PTPRE: variants seen among roughly 807,000 people sequenced by gnomAD.
PTPRE encodes the protein receptor-type tyrosine-protein phosphatase epsilon.
Under a neutral mutation model 102.0 loss-of-function variants are expected in PTPRE, and 51 were observed. The ratio of observed to expected loss-of-function variants is 0.50; its 90% CI spans 0.40 to 0.63. The LOEUF (loss-of-function observed/expected upper bound fraction) is 0.63, where lower values mean the gene tolerates loss of function less well. Ranked by LOEUF, PTPRE falls within the 30% of genes least tolerant of loss-of-function variation. The pLI is 0.00. For missense variants in PTPRE, 752 were observed against 915.1 expected (o/e 0.82, Z 2.30); for synonymous variants, 345 against 348.2 (o/e 0.99, Z 0.10).
intron 2 of PTPRE, among the ~76,000 whole-genome samples, chr10:127,996,106 C>T (rs1853237609): frequency 6.6e-6 from 1 of 152,192 alleles, no homozygotes; most frequent in African/African-American, 2.4e-5. Flanking sequence ...GTTGAGTCCT[C>T]TGTGTTATTC....
chr10:127,907,138 GCAGGAGCCGGCGCGA>G lies in PTPRE; in HGVS notation c.-201_-187del. ...CCTGCTAGGCTGCGGACAGCGGGCG[GCAGGAGCCGGCGCGA>G]GCGGCTTCAGGAACCCACGGCCTCT... On this transcript the variant is annotated 5_prime_UTR_variant, in exon 1 of 21. Transcript: ENST00000254667. The surrounding 1 kb of genome is among the most constrained non-coding windows in gnomAD (Gnocchi z 4.8). The G allele has an allele frequency of 2.3e-6, 1 of 432,532 alleles. No homozygotes were observed. Among genetic ancestry groups the G allele is most frequent in the Non-Finnish European group, 3.1e-6 (1 of 325,230 alleles). The allele number at this position is 432,532 out of a possible 1,614,324, so 26.8% of individuals were successfully genotyped here. A position where few individuals can be genotyped will look rare whatever the true frequency, so the allele number is the denominator to read the frequency against.
At position 128,056,164 on chromosome 10, in the gene PTPRE, A is replaced by AAAT; in HGVS notation, c.465_467dup (p.Asn155dup). 1 of 1,613,180 alleles carries AAAT rather than the reference A, an allele frequency of 6.2e-7. No homozygotes were observed. The highest frequency in any genetic ancestry group is 8.5e-7 in the Non-Finnish European group (1 of 1,179,206). ...ACATACAAGGAACTTTTGAACTGGC[A>AAAT]AATAAAGAAGAAAACAGAGAAAAAA... On this transcript the variant is annotated inframe_insertion, in exon 7 of 21. Transcript: ENST00000254667.
At chr10:128,076,753 C>T (rs558331517) in intron 18 of PTPRE, 25 bp downstream of exon 18, 39 of 1,609,618 alleles carry the variant, frequency 2.4e-5, no homozygotes, top group East Asian at 8.9e-5. Flanking sequence ...GCTCTTTAAA[C>T]GCTTGTGAAT....
chr10:127,958,742 G>A (rs1849577376), intron 1 of PTPRE, among the ~76,000 whole-genome samples: 1 of 151,748 alleles, frequency 6.6e-6, no homozygotes, highest in Non-Finnish European at 1.5e-5. Flanking sequence ...TCTATCTTTT[G>A]GAAGAGATCA....
intron 1 of PTPRE, among the ~76,000 whole-genome samples, chr10:127,949,344 G>A (rs1216706102): frequency 6.6e-6 from 1 of 152,034 alleles, no homozygotes; most frequent in Non-Finnish European, 1.5e-5. Context: ...TACAGATTTT[G>A]GTACCAGGAG....
At chr10:128,058,908 C>A (rs763645097) in intron 7 of PTPRE, among the ~76,000 whole-genome samples, 1 of 152,206 alleles carries the variant, frequency 6.6e-6, no homozygotes, top group Non-Finnish European at 1.5e-5. Context: ...CCCTGGGGAG[C>A]TCTGGGGTCA....
At chr10:127,990,113 T>G (rs1017681118) in intron 2 of PTPRE, among the ~76,000 whole-genome samples, 1 of 152,102 alleles carries the variant, frequency 6.6e-6, no homozygotes, top group Non-Finnish European at 1.5e-5. Context: ...GAAAAATGAT[T>G]GATTAGAAAG....
chr10:128,070,556 C>G lies in PTPRE; in HGVS notation c.1293+106C>G. The G allele has an allele frequency of 1.4e-6, 2 of 1,421,048 alleles. No homozygotes were observed. The highest frequency in any genetic ancestry group is 1.9e-6 in the Non-Finnish European group (2 of 1,063,072). 88.0% of individuals were successfully genotyped at this position (1,421,048 alleles called of 1,614,324 possible). On this transcript the variant is annotated intron_variant, in intron 14 of 20. Coordinates refer to ENST00000254667, the MANE Select transcript of PTPRE (RefSeq NM_006504.6). The surrounding 1 kb of genome is among the most constrained non-coding windows in gnomAD (Gnocchi z 4.8). Reference sequence around the variant, plus strand: ...CCTCTTTCAATCACTTGCCCCTTAACTGACCTCAGAAAAAGCAGGGGCAAT... The same window carrying G: ...CCTCTTTCAATCACTTGCCCCTTAAGTGACCTCAGAAAAAGCAGGGGCAAT...
chr10:127,942,576 C>A (rs968115233), intron 1 of PTPRE, among the ~76,000 whole-genome samples: 1 of 152,194 alleles, frequency 6.6e-6, no homozygotes, highest in Non-Finnish European at 1.5e-5. Context: ...TGCTGCAACA[C>A]GGATGAACCT....
intron 20 of PTPRE, 92 bp from the exon 21 acceptor site, chr10:128,082,740 C>G: frequency 7.1e-7 from 1 of 1,399,524 alleles, no homozygotes; most frequent in Non-Finnish European, 9.5e-7. Flanking sequence ...AATAGTCACA[C>G]TTATTTATGT....
At chr10:128,014,961 CAA>C (rs1845303884) in intron 2 of PTPRE, among the ~76,000 whole-genome samples, 1 of 152,188 alleles carries the variant, frequency 6.6e-6, no homozygotes, top group South Asian at 2.1e-4. Context: ...GAGGGTCACA[CAA>C]GAGTGCATGC....
At chr10:128,046,680 C>G (rs1332903879) in intron 3 of PTPRE, among the ~76,000 whole-genome samples, 1 of 152,046 alleles carries the variant, frequency 6.6e-6, no homozygotes, top group East Asian at 1.9e-4. Context: ...TGGGTGGGGT[C>G]CAAAGGTGGC....
intron 2 of PTPRE, among the ~76,000 whole-genome samples, chr10:128,012,644 C>T (rs188193790): frequency 3.7e-4 from 57 of 152,320 alleles, no homozygotes; most frequent in African/African-American, 1.3e-3. Context: ...CATTTCCTGT[C>T]CTTGGGAGCT....
At chr10:128,041,514 G>A (rs1847693455) in intron 3 of PTPRE, among the ~76,000 whole-genome samples, 1 of 151,916 alleles carries the variant, frequency 6.6e-6, no homozygotes. Flanking sequence ...TGGGCGTGGT[G>A]GTGGGCGCCT....
intron 1 of PTPRE, among the ~76,000 whole-genome samples, chr10:127,972,719 T>C (rs1275688496): frequency 6.6e-6 from 1 of 152,206 alleles, no homozygotes; most frequent in Non-Finnish European, 1.5e-5. Flanking sequence ...GGTCACCCAG[T>C]GGGCAGGGAT....
Position 128,069,766 on chromosome 10 carries a change from T to C in PTPRE, c.1082T>C (p.Val361Ala). The change falls in exon 13 of 21, where the codon GTG (valine) becomes GCG (alanine). Residue 361 changes from valine to alanine, a missense_variant. By Grantham distance (64) the Val-to-Ala change is moderately conservative. This residue lies in a region of PTPRE where 636 missense variants were observed against 824.4 expected (regional missense o/e 0.77). Coordinates refer to ENST00000254667, the MANE Select transcript of PTPRE (RefSeq NM_006504.6). ...GCCATGATGCACGCGGAGCAGAAGG[T>C]GGATGTGTTTGAATTTGTGTCTCGA... ...MMAMMHAEQK[V>A]DVFEFVSRIR... 6.2e-7 allele frequency: 1 copy of C among 1,614,088 alleles called. No homozygotes were observed. The highest frequency in any genetic ancestry group is 8.5e-7 in the Non-Finnish European group (1 of 1,180,012).
chr10:128,018,789 G>A (rs1163983741), intron 2 of PTPRE, among the ~76,000 whole-genome samples: 2 of 152,162 alleles, frequency 1.3e-5, no homozygotes, highest in Non-Finnish European at 2.9e-5. Context: ...CTAGTGGGGA[G>A]TACTGAGCCC....
chr10:127,996,280 A>G (rs966798524), intron 2 of PTPRE, among the ~76,000 whole-genome samples: 1 of 152,214 alleles, frequency 6.6e-6, no homozygotes, highest in Non-Finnish European at 1.5e-5. Context: ...CCATTCAGGC[A>G]ATAGTAGATT....
intron 6 of PTPRE, among the ~76,000 whole-genome samples, chr10:128,051,416 A>T (rs1268942166): frequency 6.6e-6 from 1 of 152,248 alleles, no homozygotes; most frequent in Non-Finnish European, 1.5e-5. Flanking sequence ...CAATATCAAA[A>T]TGAATACAGG....
Sources: allele counts gnomAD v4.1 joint callset (sites outside exome capture counted in the v4.1 genomes callset), GRCh38; gene constraint gnomAD v4.1.1; regional missense constraint gnomAD v4.1.1; non-coding constraint Gnocchi (gnomAD v3.1); transcripts MANE v1.5; gene names NCBI Gene and HGNC (gene_info 2026-07-23, HGNC 2026-07-21).